The following OGFOD2 variants were observed in gnomAD, a reference collection of about 807,000 sequenced individuals.
OGFOD2 encodes the protein 2-oxoglutarate and iron dependent oxygenase domain containing 2, also known as 2-oxoglutarate and iron-dependent oxygenase domain-containing protein 2.
Under a neutral mutation model 31.1 loss-of-function variants are expected in OGFOD2, and 34 were observed. That is an observed-to-expected ratio of 1.09 (90% confidence interval 0.83 to 1.45). The LOEUF (loss-of-function observed/expected upper bound fraction) is 1.45, where lower values mean the gene tolerates loss of function less well. Among genes scored for constraint, OGFOD2 ranks in the 40% most tolerant of loss-of-function variants. The pLI is 0.00. For missense variants in OGFOD2, 537 were observed against 433.9 expected (o/e 1.24, Z -2.11); for synonymous variants, 240 against 192.3 (o/e 1.25, Z -2.05).
upstream of OGFOD2, chr12:122,974,908 C>CG (rs1354954222): frequency 9.6e-4 from 194 of 202,196 alleles, no homozygotes; most frequent in African/African-American, 4.2e-3. Flanking sequence ...TCCGGGCAGA[C>CG]GGCGGGGGGT....
exon 7 of OGFOD2, chr12:122,979,435 T>C (rs1002250193): frequency 5.1e-5 from 74 of 1,439,658 alleles, no homozygotes; most frequent in Non-Finnish European, 6.6e-5. Flanking sequence ...CGCAGCCTAC[T>C]GCACTTCTTG....
chr12:122,976,877 G>A, exon 4 of OGFOD2: 1 of 1,605,472 alleles, frequency 6.2e-7, no homozygotes, highest in Non-Finnish European at 8.5e-7. Context: ...CCAGGATGCA[G>A]CTCTGGCCCC....
At chr12:122,976,366 C>T (rs2037430800) in intron 2 of OGFOD2, 3 of 1,613,588 alleles carry the variant, frequency 1.9e-6, no homozygotes, top group African/African-American at 1.3e-5. Context: ...TTGGCCATGA[C>T]TGTCTCCTGT....
chr12:122,977,002 C>A, intron 4 of OGFOD2, 32 bp downstream of exon 4: 1 of 1,591,632 alleles, frequency 6.3e-7, no homozygotes, highest in Non-Finnish European at 8.6e-7. Context: ...CTGGCAGGAC[C>A]AGGGAATGGC....
chr12:122,979,531 G>A, exon 7 of OGFOD2: 1 of 754,986 alleles, frequency 1.3e-6, no homozygotes, highest in African/African-American at 1.8e-5. Context: ...GTCTGGAATG[G>A]GGCTTCAGCG....
At chr12:122,977,027 G>C in intron 4 of OGFOD2, 57 bp downstream of exon 4, 1 of 1,527,334 alleles carries the variant, frequency 6.5e-7, no homozygotes, top group Non-Finnish European at 9.0e-7. Flanking sequence ...TGGGAAACCT[G>C]GGTGTGGGAT....
intron 2 of OGFOD2, chr12:122,976,302 T>A (rs766524225): frequency 8.1e-5 from 114 of 1,408,426 alleles, no homozygotes; most frequent in Non-Finnish European, 1.1e-4. Flanking sequence ...TCCCCTGGAG[T>A]CAGTGGTGGG....
exon 6 of OGFOD2, chr12:122,978,983 C>T (rs200750594): frequency 2.2e-5 from 35 of 1,612,994 alleles, no homozygotes; most frequent in African/African-American, 2.1e-4. Context: ...TCACAGGGGG[C>T]GCCCTGTATT....
At chr12:122,975,272 G>T in exon 1 of OGFOD2, 1 of 687,120 alleles carries the variant, frequency 1.5e-6, no homozygotes, top group South Asian at 1.5e-5. Flanking sequence ...TGGGGGCTCC[G>T]CGGCACTTCT....
In OGFOD2 at chr12:122,975,243, T is replaced by A. The variant is rs769128454; in HGVS notation, c.-9T>A. ...CTACGGAAGCTGGTAGGGCTGTGGG[T>A]GCTTCACTATGGCGACGGTGGGGGC... On this transcript the variant is annotated 5_prime_UTR_variant, in exon 1 of 7. Transcript: ENST00000228922. 3 of 668,776 alleles carry A rather than the reference T, an allele frequency of 4.5e-6. No homozygotes were observed. The highest frequency in any genetic ancestry group is 1.5e-5 in the South Asian group (1 of 65,226). 41.4% of individuals were successfully genotyped at this position (668,776 alleles called of 1,614,324 possible).
rs759195482 is a variant in OGFOD2, at chr12:122,979,382, T to C, written c.*36T>C. 11 of 1,567,180 alleles carry C rather than the reference T, an allele frequency of 7.0e-6. No individual in the cohort carries two copies. The South Asian group carries it at 1.1e-4, about 16-fold the overall frequency. ...GCCCAGTGTGGGGGTGGCAGGCAGG[T>C]GAGGGCTCCGTTGCCTTGGTCTGGG... On this transcript the variant is annotated 3_prime_UTR_variant, in exon 7 of 7. Coordinates refer to ENST00000228922, the Ensembl canonical transcript of OGFOD2.
At chr12:122,979,412 GA>G in exon 7 of OGFOD2, 9 of 1,513,882 alleles carry the variant, frequency 5.9e-6, no homozygotes, top group Non-Finnish European at 8.0e-6. Flanking sequence ...TCTGGGGGCA[GA>G]AATAAAATCC....
rs773824860 is a variant in OGFOD2 at position 122,976,884 on chromosome 12, C to T, written c.317C>T (p.Ala106Val). ...TTTTGCTCCCAGGATGCAGCTCTGGCCCCCGAGTTCCTGGCCGTGACTGAG... is the reference window on the plus strand; with the variant it reads ...TTTTGCTCCCAGGATGCAGCTCTGGTCCCCGAGTTCCTGGCCGTGACTGAG... Residue 106 changes from alanine to valine, a missense_variant, in exon 4 of 7, where the codon GCC becomes GTC. Physicochemically the swap from Ala to Val is moderately conservative, Grantham distance 64. Coordinates refer to ENST00000228922, the Ensembl canonical transcript of OGFOD2. The T allele has an allele frequency of 4.4e-6, 7 of 1,606,428 alleles. No individual in the cohort carries two copies. In the South Asian group the frequency reaches 4.4e-5, roughly 10 times the overall value.
At chr12:122,979,372 G>A in exon 7 of OGFOD2, 1 of 1,575,830 alleles carries the variant, frequency 6.3e-7, no homozygotes, top group South Asian at 1.1e-5. Context: ...GTGTGGGGGT[G>A]GCAGGCAGGT....
chr12:122,974,918 T>A (rs897524280), upstream of OGFOD2: 2 of 213,436 alleles, frequency 9.4e-6, no homozygotes, highest in Non-Finnish European at 1.9e-5. Flanking sequence ...CGGCGGGGGG[T>A]GGGTCGGCGT....
chr12:122,975,349 G>T (rs1392157334), exon 1 of OGFOD2: 1 of 701,546 alleles, frequency 1.4e-6, no homozygotes, highest in Non-Finnish European at 2.6e-6. Flanking sequence ...GTGCGCTTCC[G>T]AGGCGAGCAG....
exon 7 of OGFOD2, chr12:122,979,326 G>T: frequency 6.2e-7 from 1 of 1,610,922 alleles, no homozygotes. Flanking sequence ...CGCCACGGTG[G>T]ATGTATGTGC....
intron 1 of OGFOD2, 40 bp from the exon 2 acceptor site, chr12:122,975,771 C>T (rs911872063): frequency 1.2e-5 from 8 of 693,208 alleles, no homozygotes; most frequent in African/African-American, 3.5e-5. Context: ...GGGATTTCCT[C>T]AGGTCATACA....
At chr12:122,976,118 C>T in intron 2 of OGFOD2, 1 of 593,846 alleles carries the variant, frequency 1.7e-6, no homozygotes, top group South Asian at 2.0e-5. Context: ...GCACAAGCAC[C>T]ACTCTCATTT....
Sources: gnomAD v4.1 joint callset for allele counts on GRCh38, gnomAD v4.1.1 for gene constraint, MANE v1.5 for transcripts, NCBI Gene and HGNC (gene_info 2026-07-23, HGNC 2026-07-21) for gene names.